CYSRT1: variants seen among roughly 807,000 people sequenced by gnomAD.
CYSRT1 encodes the protein cysteine rich tail 1.
Under a neutral mutation model 6.2 loss-of-function variants are expected in CYSRT1, and 7 were observed. The ratio of observed to expected loss-of-function variants is 1.13; its 90% CI spans 0.64 to 2.13. The LOEUF is 2.13. CYSRT1 is among the 30% of genes most tolerant of loss of function. The pLI is 0.00. For missense variants in CYSRT1, 188 were observed against 196.4 expected, an observed-to-expected ratio of 0.96 and a Z score of 0.26; for synonymous variants, 75 against 83.1, an observed-to-expected ratio of 0.90 and a Z score of 0.53.
rs974007005 is a variant in CYSRT1, at chr9:137,226,117, G to A, written c.*61G>A. ...CAGCAAATGTGGCTCACACAGTGCC[G>A]GGACATGCCGGGACATGCGGGGTGG... On this transcript the variant is annotated 3_prime_UTR_variant, in exon 2 of 2. Coordinates refer to ENST00000650725, the MANE Select transcript of CYSRT1 (RefSeq NM_199001.5). 108 of 1,506,038 alleles carry A rather than the reference G, an allele frequency of 7.2e-5. No homozygotes were observed. The highest frequency in any genetic ancestry group is 8.3e-5 in the African/African-American group (6 of 72,390). The allele number at this position is 1,506,038 out of a possible 1,614,324, so 93.3% of individuals were successfully genotyped here.
In CYSRT1 at chr9:137,225,663, C is replaced by T. The variant is rs1225516387; in HGVS notation, c.42C>T (p.His14=). The T allele has an allele frequency of 2.6e-6, 4 of 1,550,498 alleles. No homozygotes were observed. The highest frequency in any genetic ancestry group is 2.6e-6 in the Non-Finnish European group (3 of 1,146,982). ...TGGTCGTCAAGAACCCATATGCCCA[C>T]ATCAGCATCCCCCGGGCTCACCTGC... ...QEMVVKNPYA[H]ISIPRAHLRP... Residue 14 remains histidine, a synonymous_variant, in exon 2 of 2, where the codon CAC becomes CAT. Transcript: ENST00000650725.
rs1225546058 is a variant in CYSRT1 at position 137,225,514 on chromosome 9, G to A, written c.-8-100G>A. ...CCTTGGGGATGCTGAGCTTGGACGA[G>A]GCACGCTGCTCCTGGTGGGGGCTTT... On this transcript the variant is annotated intron_variant, in intron 1 of 1. Coordinates refer to ENST00000650725, the MANE Select transcript of CYSRT1 (RefSeq NM_199001.5). The A allele has an allele frequency of 3.4e-6, 5 of 1,455,828 alleles. No individual in the cohort carries two copies. The East Asian group carries it at 1.0e-4, about 29-fold the overall frequency. 90.2% of individuals were successfully genotyped at this position (1,455,828 alleles called of 1,614,324 possible). A position where few individuals can be genotyped will look rare whatever the true frequency, so the allele number is the denominator to read the frequency against.
At chr9:137,225,457 C>T (rs1835949740) in intron 1 of CYSRT1, among the ~76,000 whole-genome samples, 157 bp from the exon 2 acceptor site, 1 of 152,262 alleles carries the variant, frequency 6.6e-6, no homozygotes, top group Non-Finnish European at 1.5e-5. Context: ...CTTGCACACA[C>T]ATTTGGAGGT....
intron 1 of CYSRT1, 79 bp from the exon 2 acceptor site, chr9:137,225,535 G>T: frequency 6.8e-7 from 1 of 1,464,462 alleles, no homozygotes; most frequent in Non-Finnish European, 9.0e-7. Context: ...CCTGGTGGGG[G>T]CTTTCCTGGG....
rs1248849984 is a variant in CYSRT1, at chr9:137,226,212, C to T, written c.*156C>T. The T allele has an allele frequency of 8.7e-6, 12 of 1,376,802 alleles. No homozygotes were observed. The highest frequency in any genetic ancestry group is 1.2e-5 in the Non-Finnish European group (12 of 1,033,848). 85.3% of individuals were successfully genotyped at this position (1,376,802 alleles called of 1,614,324 possible). On this transcript the variant is annotated 3_prime_UTR_variant, in exon 2 of 2. Coordinates refer to ENST00000650725, the MANE Select transcript of CYSRT1 (RefSeq NM_199001.5). ...CAGACCCACCAGGAAGGTGGCCGTT[C>T]AGCCCGAGCTCCTGAAACGGAATCC... is the stretch of plus-strand genomic sequence containing the variant.
In CYSRT1 at chr9:137,225,896, G is replaced by A. The variant is rs1374455070; in HGVS notation, c.275G>A (p.Ser92Asn). 6.5e-7 allele frequency: 1 copy of A among 1,545,554 alleles called. No individual in the cohort carries two copies. The highest frequency in any genetic ancestry group is 2.0e-5 in the Admixed American group (1 of 50,990). ...QAWQQPGNPY[S>N]SSQRQAGLTY... ...TGGCAGCAGCCTGGCAACCCCTACA[G>A]CAGCAGTCAGCGCCAGGCCGGACTG... Residue 92 changes from serine (S) to asparagine (N), a missense_variant, in exon 2 of 2, where the codon AGC (serine) becomes AAC (asparagine). By Grantham distance (46) the Ser-to-Asn change is conservative. Coordinates refer to ENST00000650725, the MANE Select transcript of CYSRT1 (RefSeq NM_199001.5).
intron 1 of CYSRT1, 49 bp downstream of exon 1, chr9:137,225,282 G>A (rs1175208853): frequency 1.4e-6 from 2 of 1,425,044 alleles, no homozygotes; most frequent in South Asian, 2.5e-5. Flanking sequence ...GCACTGCAGG[G>A]TCAGCCCCCT....
chr9:137,226,182 G>A lies in CYSRT1; in HGVS notation c.*126G>A. 2 of 1,452,628 alleles carry A rather than the reference G, an allele frequency of 1.4e-6. No individual in the cohort carries two copies. The highest frequency in any genetic ancestry group is 5.0e-5 in the Admixed American group (2 of 39,684). 90.0% of individuals were successfully genotyped at this position (1,452,628 alleles called of 1,614,324 possible). Reference sequence around the variant, plus strand: ...GTCTGCCCCTTCACACCAGGCACTGGGGCTCAGACCCACCAGGAAGGTGGC... The same window carrying A: ...GTCTGCCCCTTCACACCAGGCACTGAGGCTCAGACCCACCAGGAAGGTGGC... On this transcript the variant is annotated 3_prime_UTR_variant, in exon 2 of 2. Transcript: ENST00000650725.
In CYSRT1 at chr9:137,225,650, A is replaced by G; in HGVS notation, c.29A>G (p.Asn10Ser). 6.5e-7 allele frequency: 1 copy of G among 1,550,340 alleles called. No homozygotes were observed. Among genetic ancestry groups the G allele is most frequent in the Non-Finnish European group, 8.7e-7 (1 of 1,146,952 alleles). The change falls in exon 2 of 2, where the codon AAC (asparagine) becomes AGC (serine). Residue 10 changes from asparagine (N) to serine (S), a missense_variant. Coordinates refer to ENST00000650725, the MANE Select transcript of CYSRT1 (RefSeq NM_199001.5). Reference protein sequence around the residue: MDPQEMVVKNPYAHISIPRA... With the variant: MDPQEMVVKSPYAHISIPRA... ...GACCCCCAAGAGATGGTCGTCAAGA[A>G]CCCATATGCCCACATCAGCATCCCC...
In CYSRT1 at chr9:137,226,215, C is replaced by T; in HGVS notation, c.*159C>T. The T allele has an allele frequency of 7.3e-7, 1 of 1,366,708 alleles. No individual in the cohort carries two copies. 84.7% of individuals were successfully genotyped at this position (1,366,708 alleles called of 1,614,324 possible). A position where few individuals can be genotyped will look rare whatever the true frequency, so the allele number is the denominator to read the frequency against. On this transcript the variant is annotated 3_prime_UTR_variant, in exon 2 of 2. Coordinates refer to ENST00000650725, the MANE Select transcript of CYSRT1 (RefSeq NM_199001.5). ...ACCCACCAGGAAGGTGGCCGTTCAGCCCGAGCTCCTGAAACGGAATCCCAG... is the reference window on the plus strand; with the variant it reads ...ACCCACCAGGAAGGTGGCCGTTCAGTCCGAGCTCCTGAAACGGAATCCCAG...
Position 137,225,867 on chromosome 9 carries a change from G to GGCCTGGCAGCA in CYSRT1, c.255_265dup (p.Asn89SerfsTer16). The GGCCTGGCAGCA allele has an allele frequency of 6.5e-7, 1 of 1,546,124 alleles. No homozygotes were observed. The highest frequency in any genetic ancestry group is 1.7e-4 in the Middle Eastern group (1 of 5,986). On this transcript the variant is annotated frameshift_variant, in exon 2 of 2. Coordinates refer to ENST00000650725, the MANE Select transcript of CYSRT1 (RefSeq NM_199001.5). LOFTEE classifies it high-confidence loss of function. The stretch of plus-strand genomic sequence containing the variant: ...GGGCTGCCCCCATCCAGAACCAGCA[G>GGCCTGGCAGCA]GCCTGGCAGCAGCCTGGCAACCCCT...
At position 137,226,157 on chromosome 9, in the gene CYSRT1, G is replaced by T; in HGVS notation, c.*101G>T. On this transcript the variant is annotated 3_prime_UTR_variant, in exon 2 of 2. Transcript: ENST00000650725. ...ATGCGGGGTGGCTGTTGTCATGGGC[G>T]TCTGCCCCTTCACACCAGGCACTGG... The T allele has an allele frequency of 6.8e-7, 1 of 1,480,524 alleles. No individual in the cohort carries two copies. Among genetic ancestry groups the T allele is most frequent in the Non-Finnish European group, 9.0e-7 (1 of 1,105,210 alleles). 91.7% of individuals were successfully genotyped at this position (1,480,524 alleles called of 1,614,324 possible).
In CYSRT1 at chr9:137,226,067, C is replaced by G; in HGVS notation, c.*11C>G. 1 of 1,543,490 alleles carries G rather than the reference C, an allele frequency of 6.5e-7. No homozygotes were observed. Among genetic ancestry groups the G allele is most frequent in the Non-Finnish European group, 8.7e-7 (1 of 1,142,898 alleles). On this transcript the variant is annotated 3_prime_UTR_variant, in exon 2 of 2. Coordinates refer to ENST00000650725, the MANE Select transcript of CYSRT1 (RefSeq NM_199001.5). ...TGTGTCATCTCCTAGCCCAGCCCAC[C>G]CTGCCAGGGCCAGGACCCAGACTTC... is the stretch of plus-strand genomic sequence containing the variant.
Position 137,225,642 on chromosome 9 carries a change from C to A in CYSRT1, c.21C>A (p.Val7=), listed in dbSNP as rs910792659. The A allele has an allele frequency of 1.3e-6, 2 of 1,550,298 alleles. No homozygotes were observed. The highest frequency in any genetic ancestry group is 1.4e-5 in the African/African-American group (1 of 73,046). ...GGACCATGGACCCCCAAGAGATGGT[C>A]GTCAAGAACCCATATGCCCACATCA... MDPQEM[V]VKNPYAHISI... Residue 7 remains valine (V), a synonymous_variant, in exon 2 of 2, where the codon GTC becomes GTA. Coordinates refer to ENST00000650725, the MANE Select transcript of CYSRT1 (RefSeq NM_199001.5).
rs1200353167 is a variant in CYSRT1 at position 137,225,980 on chromosome 9, G to T, written c.359G>T (p.Cys120Phe). The T allele has an allele frequency of 1.3e-6, 2 of 1,546,554 alleles. No individual in the cohort carries two copies. Among genetic ancestry groups the T allele is most frequent in the African/African-American group, 2.7e-5 (2 of 72,996 alleles). The change falls in exon 2 of 2, where the codon TGC becomes TTC. Residue 120 changes from cysteine (C) to phenylalanine (F), a missense_variant. Transcript: ENST00000650725. The stretch of plus-strand genomic sequence containing the variant: ...GATGACATCGCCCACCACTGCTGCT[G>T]CTGCCCCTGCTGCCACTGCTGCCAC... Reference protein sequence around the residue: ...RGDDIAHHCCCCPCCHCCHCP... With the variant: ...RGDDIAHHCCFCPCCHCCHCP...
Position 137,225,943 on chromosome 9 carries a change from G to GT in CYSRT1, c.322_323insT (p.Ala108ValfsTer6). The GT allele has an allele frequency of 1.3e-6, 2 of 1,547,746 alleles. No individual in the cohort carries two copies. The highest frequency in any genetic ancestry group is 1.7e-6 in the Non-Finnish European group (2 of 1,146,446). On this transcript the variant is annotated frameshift_variant, in exon 2 of 2. Transcript: ENST00000650725. LOFTEE classifies it high-confidence loss of function. The stretch of plus-strand genomic sequence containing the variant: ...ACTGACCTACGCTGGCCCTCCGCCC[G>GT]CGGGGCGCGGGGATGACATCGCCCA...
At position 137,226,034 on chromosome 9, in the gene CYSRT1, G is replaced by A. The variant is rs1035626294; in HGVS notation, c.413G>A (p.Cys138Tyr). Reference protein sequence around the residue: ...HCPPFCRCHSCCCCVIS With the variant: ...HCPPFCRCHSYCCCVIS ...CCCCCCTTCTGCCGCTGCCACAGCTGCTGCTGCTGTGTCATCTCCTAGCCC... is the reference window on the plus strand; with the variant it reads ...CCCCCCTTCTGCCGCTGCCACAGCTACTGCTGCTGTGTCATCTCCTAGCCC... The change falls in exon 2 of 2, where the codon TGC becomes TAC. Residue 138 changes from cysteine (C) to tyrosine (Y), a missense_variant. Cys to Tyr is a radical substitution (Grantham distance 194). Transcript: ENST00000650725. 39 of 1,548,678 alleles carry A rather than the reference G, an allele frequency of 2.5e-5. No homozygotes were observed. In the Middle Eastern group the frequency reaches 1.7e-3, roughly 66 times the overall value.
Position 137,225,931 on chromosome 9 carries a change from G to T in CYSRT1, c.310G>T (p.Gly104Cys), listed in dbSNP as rs1233411668. 6.5e-7 allele frequency: 1 copy of T among 1,547,080 alleles called. No individual in the cohort carries two copies. Among genetic ancestry groups the T allele is most frequent in the African/African-American group, 1.4e-5 (1 of 73,168 alleles). Residue 104 changes from glycine (G) to cysteine (C), a missense_variant, in exon 2 of 2, where the codon GGC becomes TGC. Gly to Cys is a radical substitution (Grantham distance 159). Coordinates refer to ENST00000650725, the MANE Select transcript of CYSRT1 (RefSeq NM_199001.5). Reference protein sequence around the residue: ...SQRQAGLTYAGPPPAGRGDDI... With the variant: ...SQRQAGLTYACPPPAGRGDDI... Reference sequence around the variant, plus strand: ...GCGCCAGGCCGGACTGACCTACGCTGGCCCTCCGCCCGCGGGGCGCGGGGA... The same window carrying T: ...GCGCCAGGCCGGACTGACCTACGCTTGCCCTCCGCCCGCGGGGCGCGGGGA...
chr9:137,226,007 G>GC lies in CYSRT1; in HGVS notation c.393dup (p.Phe132LeufsTer?), dbSNP rs754449585. 8.6e-5 allele frequency: 133 copies of GC among 1,548,974 alleles called. No individual in the cohort carries two copies. The highest frequency in any genetic ancestry group is 2.0e-5 in the Non-Finnish European group (23 of 1,146,800). On this transcript the variant is annotated frameshift_variant, in exon 2 of 2. Transcript: ENST00000650725. LOFTEE classifies it high-confidence loss of function. ...TGCCCCTGCTGCCACTGCTGCCACT[G>GC]CCCCCCCTTCTGCCGCTGCCACAGC...
Sources: gnomAD v4.1 joint callset for allele counts (sites outside exome capture counted in the v4.1 genomes callset) on GRCh38, gnomAD v4.1.1 for gene constraint, MANE v1.5 for transcripts, NCBI Gene and HGNC (gene_info 2026-07-23, HGNC 2026-07-21) for gene names.